KDM4C: variants seen among roughly 807,000 people sequenced by gnomAD.
The protein encoded by KDM4C is lysine-specific demethylase 4C.
Under a neutral mutation model 129.3 loss-of-function variants are expected in KDM4C, and 81 were observed. That is an observed-to-expected ratio of 0.63 (90% CI 0.52 to 0.75). The LOEUF is 0.75. Among genes scored for constraint, KDM4C ranks in the 30% least tolerant of loss-of-function variants. The pLI is 0.00. For missense variants in KDM4C, 1,457 were observed against 1,304.0 expected (o/e 1.12, Z -1.81); for synonymous variants, 573 against 456.1 (o/e 1.26, Z -3.26).
At position 7,077,103 on chromosome 9, in the gene KDM4C, A is replaced by C. The variant is rs1160013578; in HGVS notation, c.2425-26582A>C. On this transcript the variant is annotated intron_variant, in intron 17 of 21. Coordinates refer to ENST00000381309, the MANE Select transcript of KDM4C (RefSeq NM_015061.6). ...CATTCATCAAAGTTCTATCTGGGTGATATATGCTATCGAAACAGATGTGGA... is the reference window on the plus strand; with the variant it reads ...CATTCATCAAAGTTCTATCTGGGTGCTATATGCTATCGAAACAGATGTGGA... The C allele has an allele frequency of 3.0e-6, 3 of 985,346 alleles. No homozygotes were observed. The African/African-American group carries it at 5.2e-5, about 17-fold the overall frequency. The allele number at this position is 985,346 out of a possible 1,614,324, so 61.0% of individuals were successfully genotyped here.
At chr9:6,838,367 G>C (rs1188868132) in intron 4 of KDM4C, among the ~76,000 whole-genome samples, 1 of 152,096 alleles carries the variant, frequency 6.6e-6, no homozygotes, top group Non-Finnish European at 1.5e-5. Flanking sequence ...GCGTAGACTT[G>C]ATGTTAATTT....
Position 7,024,742 on chromosome 9 carries a change from A to T in KDM4C, c.2259+8813A>T, listed in dbSNP as rs545938537. Among the ~76,000 whole-genome samples, 7 of 152,324 alleles carry T rather than the reference A, an allele frequency of 4.6e-5. No individual in the cohort carries two copies. The East Asian group carries it at 1.3e-3, about 29-fold the overall frequency. On this transcript the variant is annotated intron_variant, in intron 15 of 21. Coordinates refer to ENST00000381309, the MANE Select transcript of KDM4C (RefSeq NM_015061.6). ...TTAATCCAGTCTACCATTGTTGGAC[A>T]TTTGGGTTGATTCCAAGTCTTTGCT...
intron 19 of KDM4C, among the ~76,000 whole-genome samples, chr9:7,128,623 A>G (rs1444196799): frequency 6.6e-6 from 1 of 152,172 alleles, no homozygotes; most frequent in Non-Finnish European, 1.5e-5. Flanking sequence ...TCTTTTCTTT[A>G]TGCTTAACTA....
chr9:6,780,343 G>A (rs1824049766), intron 1 of KDM4C, among the ~76,000 whole-genome samples: 1 of 113,886 alleles, frequency 8.8e-6, no homozygotes, highest in Admixed American at 9.9e-5. Flanking sequence ...CTCAAACGAG[G>A]TGTGGGAATT....
intron 12 of KDM4C, among the ~76,000 whole-genome samples, chr9:7,004,524 C>T (rs971648283): frequency 6.6e-6 from 1 of 152,014 alleles, no homozygotes; most frequent in Non-Finnish European, 1.5e-5. Flanking sequence ...TATAGTCATA[C>T]TGTATATTTC....
intron 1 of KDM4C, among the ~76,000 whole-genome samples, chr9:6,722,735 A>G (rs1005957958): frequency 1.3e-5 from 2 of 151,818 alleles, no homozygotes; most frequent in African/African-American, 4.8e-5. Flanking sequence ...CTGGTCTCGA[A>G]CTCTCAACCT....
At chr9:6,834,941 G>A (rs1176286035) in intron 4 of KDM4C, 5 of 1,101,320 alleles carry the variant, frequency 4.5e-6, no homozygotes, top group African/African-American at 1.5e-5. Context: ...CACCCACAGT[G>A]TGCCCATCTG....
intron 8 of KDM4C, 139 bp downstream of exon 8, chr9:6,893,371 G>C (rs1473440433): frequency 1.3e-5 from 7 of 536,318 alleles, no homozygotes; most frequent in African/African-American, 9.9e-5. Context: ...ATTCACTTCA[G>C]GCTCGATACA....
At chr9:7,039,153 T>C (rs968970286) in intron 15 of KDM4C, among the ~76,000 whole-genome samples, 1 of 151,978 alleles carries the variant, frequency 6.6e-6, no homozygotes, top group African/African-American at 2.4e-5. Context: ...GTCTGTTCTG[T>C]TTTTAAGTTT....
chr9:7,103,654 A>T, intron 17 of KDM4C, 31 bp from the exon 18 acceptor site: 1 of 1,571,696 alleles, frequency 6.4e-7, no homozygotes, highest in Admixed American at 1.7e-5. Context: ...CAGAATGTGA[A>T]TTGATGTTCT....
At chr9:6,904,546 A>G (rs1285383563) in intron 8 of KDM4C, among the ~76,000 whole-genome samples, 1 of 152,130 alleles carries the variant, frequency 6.6e-6, no homozygotes, top group Non-Finnish European at 1.5e-5. Context: ...GGTGCAGAGC[A>G]GATGGTAGGT....
intron 7 of KDM4C, among the ~76,000 whole-genome samples, chr9:6,890,228 C>A (rs1421783417): frequency 1.3e-5 from 2 of 152,182 alleles, no homozygotes; most frequent in Non-Finnish European, 2.9e-5. Context: ...GAGTTCATTC[C>A]TGATTCAGTC....
chr9:7,103,118 G>T (rs1368307597), intron 17 of KDM4C, among the ~76,000 whole-genome samples: 1 of 152,116 alleles, frequency 6.6e-6, no homozygotes, highest in Admixed American at 6.5e-5. Flanking sequence ...TTTTTTGTCA[G>T]TCATGAAGGG....
At position 7,134,391 on chromosome 9, in the gene KDM4C, CA is replaced by C. The variant is rs140562293; in HGVS notation, c.2781+6158del. 7.0e-3 allele frequency among the ~76,000 whole-genome samples: 1,072 copies of C among 152,250 alleles called. 4 individuals carry two copies. The highest frequency in any genetic ancestry group is 0.012 in the Non-Finnish European group (795 of 68,000). ...ATCTAATATTTGCATAAAAAAAGAA[CA>C]AACTCATTTGTTCCTTGATTAATGT... On this transcript the variant is annotated intron_variant, in intron 19 of 21. Coordinates refer to ENST00000381309, the MANE Select transcript of KDM4C (RefSeq NM_015061.6).
chr9:6,760,539 CTTT>C (rs964868750), intron 1 of KDM4C, among the ~76,000 whole-genome samples: 1 of 141,720 alleles, frequency 7.1e-6, no homozygotes, highest in Non-Finnish European at 1.5e-5. Context: ...GGGTGATACT[CTTT>C]TTTATTTATT....
intron 8 of KDM4C, among the ~76,000 whole-genome samples, chr9:6,947,401 T>G (rs1827166643): frequency 6.6e-6 from 1 of 152,164 alleles, no homozygotes; most frequent in African/African-American, 2.4e-5. Flanking sequence ...CCTGTTAGCA[T>G]TAATGCTTTC....
chr9:6,816,646 G>C (rs956330309), intron 4 of KDM4C, among the ~76,000 whole-genome samples: 3 of 152,142 alleles, frequency 2.0e-5, no homozygotes, highest in Admixed American at 2.0e-4. Context: ...CTATAGCAAT[G>C]TTTTCAAGTT....
intron 1 of KDM4C, among the ~76,000 whole-genome samples, chr9:6,748,520 A>T (rs1817958182): frequency 6.6e-6 from 1 of 151,912 alleles, no homozygotes; most frequent in Admixed American, 6.6e-5. Flanking sequence ...AAAAAAAAAA[A>T]AAAAGATTTA....
intron 18 of KDM4C, among the ~76,000 whole-genome samples, chr9:7,106,379 A>G (rs1415816939): frequency 6.6e-6 from 1 of 152,240 alleles, no homozygotes; most frequent in Admixed American, 6.5e-5. Flanking sequence ...TTTGAAAGTA[A>G]TAGGCAATTG....
Sources: allele counts gnomAD v4.1 joint callset (sites outside exome capture counted in the v4.1 genomes callset), GRCh38; gene constraint gnomAD v4.1.1; transcripts MANE v1.5; gene names NCBI Gene and HGNC (gene_info 2026-07-23, HGNC 2026-07-21).